The following SPIDR variants were observed in gnomAD, a reference collection of about 807,000 sequenced individuals.
SPIDR encodes the protein scaffold protein involved in DNA repair, also known as DNA repair-scaffolding protein.
SPIDR carries 93 observed loss-of-function variants against 104.6 expected under a neutral mutation model. The observed-to-expected ratio is 0.89, with a 90% CI of 0.75 to 1.06. The LOEUF is 1.06. Ranked by LOEUF, SPIDR falls within the 50% of genes least tolerant of loss-of-function variation. SPIDR has a pLI of 0.00. For missense variants in SPIDR, 1,154 were observed against 1,111.2 expected, an observed-to-expected ratio of 1.04 and a Z score of -0.55; for synonymous variants, 431 against 416.9, an observed-to-expected ratio of 1.03 and a Z score of -0.41.
intron 14 of SPIDR, among the ~76,000 whole-genome samples, chr8:47,705,494 T>C (rs1371784344): frequency 2.0e-5 from 3 of 152,128 alleles, no homozygotes; most frequent in Admixed American, 2.0e-4. Flanking sequence ...CAAGAAGGAA[T>C]AGAAATAAGC....
In SPIDR at chr8:47,460,357, C is replaced by T. The variant is rs576481406; in HGVS notation, c.1097+19815C>T. Among the ~76,000 whole-genome samples the T allele has an allele frequency of 3.9e-5, 6 of 152,234 alleles. No homozygotes were observed. In the East Asian group the frequency reaches 7.7e-4, roughly 20 times the overall value. On this transcript the variant is annotated intron_variant, in intron 8 of 19. Coordinates refer to ENST00000297423, the MANE Select transcript of SPIDR (RefSeq NM_001080394.4). The stretch of plus-strand genomic sequence containing the variant: ...AGAATATTTAGGATTGTGATATTTT[C>T]GTTTTGGACAAGGCCTTTTATATTA...
intron 10 of SPIDR, among the ~76,000 whole-genome samples, chr8:47,601,666 C>G (rs1348693468): frequency 6.6e-6 from 1 of 152,168 alleles, no homozygotes; most frequent in African/African-American, 2.4e-5. Context: ...GCACTCCAGC[C>G]TGGGGACAGA....
intron 8 of SPIDR, among the ~76,000 whole-genome samples, chr8:47,561,493 C>T (rs188345393): frequency 6.6e-6 from 1 of 152,362 alleles, no homozygotes; most frequent in East Asian, 1.9e-4. Context: ...TCTCAGCCCG[C>T]TGCAGTTGAT....
intron 7 of SPIDR, among the ~76,000 whole-genome samples, chr8:47,410,676 T>C (rs2063387499): frequency 6.6e-6 from 1 of 152,076 alleles, no homozygotes; most frequent in Non-Finnish European, 1.5e-5. Context: ...ATTATTATTA[T>C]ATTTTAAGTT....
chr8:47,707,126 C>T (rs555528973), intron 14 of SPIDR, among the ~76,000 whole-genome samples: 12 of 151,912 alleles, frequency 7.9e-5, no homozygotes, highest in East Asian at 1.9e-4. Flanking sequence ...TGGTGGTGCA[C>T]GCCTGTAGTC....
intron 7 of SPIDR, among the ~76,000 whole-genome samples, chr8:47,439,723 T>G (rs1554694995): frequency 6.6e-6 from 1 of 152,148 alleles, no homozygotes; most frequent in Non-Finnish European, 1.5e-5. Flanking sequence ...ATAAGACAAT[T>G]TAACAGTTGA....
intron 5 of SPIDR, among the ~76,000 whole-genome samples, chr8:47,351,187 T>C (rs1342799572): frequency 6.6e-6 from 1 of 152,232 alleles, no homozygotes; most frequent in Non-Finnish European, 1.5e-5. Flanking sequence ...GTTGTTAATC[T>C]CTTTACTGTG....
At chr8:47,354,252 T>C (rs1262520561) in intron 5 of SPIDR, among the ~76,000 whole-genome samples, 3 of 152,174 alleles carry the variant, frequency 2.0e-5, no homozygotes, top group Non-Finnish European at 4.4e-5. Flanking sequence ...TTTGATAAGG[T>C]GTATATACCT....
intron 5 of SPIDR, among the ~76,000 whole-genome samples, chr8:47,311,923 A>G (rs1468317171): frequency 6.6e-6 from 1 of 151,808 alleles, no homozygotes; most frequent in Non-Finnish European, 1.5e-5. Flanking sequence ...CCTGTGTCCA[A>G]GTGTTCTCAT....
chr8:47,290,162 C>T (rs1014281926), intron 3 of SPIDR, among the ~76,000 whole-genome samples: 3 of 152,080 alleles, frequency 2.0e-5, no homozygotes, highest in African/African-American at 4.8e-5. Context: ...GCCTCAGCCC[C>T]CCCTGAGTAG....
intron 17 of SPIDR, 117 bp from the exon 18 acceptor site, chr8:47,728,816 G>A: frequency 1.6e-6 from 2 of 1,247,232 alleles, no homozygotes; most frequent in South Asian, 1.5e-5. Context: ...GATTCTGAGA[G>A]TAAAGCCCCG....
intron 8 of SPIDR, among the ~76,000 whole-genome samples, chr8:47,543,523 A>G (rs1226034834): frequency 1.3e-5 from 2 of 152,214 alleles, no homozygotes; most frequent in Non-Finnish European, 2.9e-5. Context: ...GCTGAGAACA[A>G]GCAATTTAAG....
chr8:47,700,426 T>C lies in SPIDR; in HGVS notation c.1709T>C (p.Ile570Thr). 6.2e-7 allele frequency: 1 copy of C among 1,614,196 alleles called. No homozygotes were observed. Among genetic ancestry groups the C allele is most frequent in the African/African-American group, 1.3e-5 (1 of 75,054 alleles). Residue 570 changes from isoleucine to threonine, a missense_variant, in exon 12 of 20, where the codon ATT becomes ACT. Transcript: ENST00000297423. The stretch of plus-strand genomic sequence containing the variant: ...AGGACAGCGGGGATTTTCAGTTTGA[T>C]TGACACCCTGTGGCCCCCAGCGATA... Reference protein sequence around the residue: ...RGRTAGIFSLIDTLWPPAIPL... With the variant: ...RGRTAGIFSLTDTLWPPAIPL...
At chr8:47,620,315 C>T (rs1239399200) in intron 10 of SPIDR, among the ~76,000 whole-genome samples, 1 of 150,536 alleles carries the variant, frequency 6.6e-6, no homozygotes, top group Non-Finnish European at 1.5e-5. Context: ...CACTCTGTCA[C>T]CGAGGCTGGA....
chr8:47,356,002 C>T (rs954895164), intron 5 of SPIDR, among the ~76,000 whole-genome samples: 7 of 152,106 alleles, frequency 4.6e-5, no homozygotes, highest in Non-Finnish European at 8.8e-5. Context: ...TTACCTCTCT[C>T]CCCAAATAGG....
intron 6 of SPIDR, among the ~76,000 whole-genome samples, chr8:47,397,694 A>G (rs1051978383): frequency 2.0e-5 from 3 of 152,216 alleles, no homozygotes; most frequent in Non-Finnish European, 2.9e-5. Context: ...AGGGGAGCCC[A>G]GGGTCTGTGG....
At chr8:47,409,831 C>G (rs1190673466) in intron 7 of SPIDR, among the ~76,000 whole-genome samples, 1 of 152,198 alleles carries the variant, frequency 6.6e-6, no homozygotes, top group Admixed American at 6.5e-5. Flanking sequence ...GAGTTCAAGG[C>G]CAGCCTGAGC....
intron 5 of SPIDR, among the ~76,000 whole-genome samples, chr8:47,337,906 T>G (rs2050067092): frequency 6.6e-6 from 1 of 152,248 alleles, no homozygotes. Context: ...TATAGGTTTA[T>G]TTCTGGATTT....
At chr8:47,529,907 C>G (rs1461973535) in intron 8 of SPIDR, among the ~76,000 whole-genome samples, 2 of 152,062 alleles carry the variant, frequency 1.3e-5, no homozygotes, top group African/African-American at 4.8e-5. Flanking sequence ...AAATGCACAT[C>G]AAACTCAAGA....
Sources: allele counts gnomAD v4.1 joint callset (sites outside exome capture counted in the v4.1 genomes callset), GRCh38; gene constraint gnomAD v4.1.1; transcripts MANE v1.5; gene names NCBI Gene and HGNC (gene_info 2026-07-23, HGNC 2026-07-21).